The following CAST variants were observed in gnomAD, a reference collection of about 807,000 sequenced individuals.
CAST encodes calpastatin.
Under a neutral mutation model 119.6 loss-of-function variants are expected in CAST, and 76 were observed. The ratio of observed to expected loss-of-function variants is 0.64; its 90% confidence interval spans 0.53 to 0.77. The LOEUF is 0.77. Among genes scored for constraint, CAST ranks in the 30% least tolerant of loss-of-function variants. The pLI is 0.00. For synonymous variants in CAST, 319 were observed against 331.6 expected (o/e 0.96, Z 0.41); for missense variants, 953 against 946.5 (o/e 1.01, Z -0.09).
At position 96,547,731 on chromosome 5, in the gene CAST, C is replaced by A. The variant is rs551474566; in HGVS notation, c.60+17851C>A. 4.6e-5 allele frequency among the ~76,000 whole-genome samples: 7 copies of A among 152,308 alleles called. No individual in the cohort carries two copies. The South Asian group carries it at 1.5e-3, about 32-fold the overall frequency. ...ATAGTCCACAGTCATTCTCTGAGAT[C>A]CTTTGACTTCCGTGCAGGCCAAACA... On this transcript the variant is annotated intron_variant, in intron 1 of 11. Transcript: ENST00000505143.
At chr5:96,335,008 C>T in the CAST span, among the ~76,000 whole-genome samples, 3 of 152,154 alleles carry the variant, frequency 2.0e-5, no homozygotes, top group Non-Finnish European at 4.4e-5. Context: ...GCATTGTCTC[C>T]TTTTGTTCAA....
At chr5:96,252,984 G>C in the CAST span, among the ~76,000 whole-genome samples, 2 of 151,964 alleles carry the variant, frequency 1.3e-5, no homozygotes, top group African/African-American at 4.8e-5. Flanking sequence ...TAAGAAGTGT[G>C]TATTTCAAAA....
At chr5:96,544,714 C>T (rs1745974003) in intron 1 of CAST, among the ~76,000 whole-genome samples, 1 of 151,470 alleles carries the variant, frequency 6.6e-6, no homozygotes, top group Non-Finnish European at 1.5e-5. Flanking sequence ...AAAATAAGTG[C>T]AATGAGTAGA....
At position 96,762,418 on chromosome 5, in the gene CAST, A is replaced by C. The variant is rs201046545; in HGVS notation, c.1932+46A>C. On this transcript the variant is annotated intron_variant, in intron 25 of 31. Transcript: ENST00000675179. ...GGGAGATAAATGTTTTTGCGCAGCC[A>C]CAACTAGAAAGAAAATAGGGCGCCT... 204 of 1,383,940 alleles carry C rather than the reference A, an allele frequency of 1.5e-4. 1 individual carries two copies. In the East Asian group the frequency reaches 4.9e-3, roughly 33 times the overall value. 85.7% of individuals were successfully genotyped at this position (1,383,940 alleles called of 1,614,324 possible).
the CAST span, among the ~76,000 whole-genome samples, chr5:96,104,394 C>T: frequency 2.0e-5 from 3 of 152,172 alleles, no homozygotes; most frequent in Non-Finnish European, 4.4e-5. Flanking sequence ...TTTAATCCAT[C>T]TTGAATTGAC....
chr5:96,179,891 GC>G, the CAST span, among the ~76,000 whole-genome samples: 4 of 152,054 alleles, frequency 2.6e-5, no homozygotes, highest in Admixed American at 2.6e-4. Flanking sequence ...AAAAAAATTA[GC>G]CAGGCGTGGT....
chr5:95,978,747 T>C, the CAST span, among the ~76,000 whole-genome samples: 1 of 152,184 alleles, frequency 6.6e-6, no homozygotes, highest in Non-Finnish European at 1.5e-5. Flanking sequence ...CTGGACCCAC[T>C]GTTCTACAGT....
chr5:96,532,434 T>G (rs1049807076), intron 1 of CAST, among the ~76,000 whole-genome samples: 5 of 152,062 alleles, frequency 3.3e-5, no homozygotes, highest in Non-Finnish European at 7.4e-5. Context: ...CACCTCTCAG[T>G]CAGAGCATGG....
At chr5:96,684,742 A>T (rs1347215765) in intron 2 of CAST, among the ~76,000 whole-genome samples, 1 of 151,862 alleles carries the variant, frequency 6.6e-6, no homozygotes, top group Non-Finnish European at 1.5e-5. Flanking sequence ...TTTTTAAAAA[A>T]TATTTTTAGT....
At chr5:96,051,278 G>A in the CAST span, among the ~76,000 whole-genome samples, 6 of 152,072 alleles carry the variant, frequency 3.9e-5, no homozygotes, top group Non-Finnish European at 7.4e-5. Flanking sequence ...TAGACGTCAA[G>A]TATGACTTTT....
the CAST span, among the ~76,000 whole-genome samples, chr5:96,378,540 A>G: frequency 4.9e-3 from 753 of 152,240 alleles, 14 homozygotes; most frequent in Non-Finnish European, 5.8e-3. Flanking sequence ...AACTAAAGAA[A>G]CAAACTCAAG....
chr5:96,292,589 G>A, the CAST span, among the ~76,000 whole-genome samples: 1 of 152,088 alleles, frequency 6.6e-6, no homozygotes, highest in South Asian at 2.1e-4. Flanking sequence ...CTAAATAATG[G>A]GTTAATGTTC....
chr5:96,401,102 AAAAAAAAAAAG>A, the CAST span, among the ~76,000 whole-genome samples: 1 of 151,294 alleles, frequency 6.6e-6, no homozygotes, highest in Non-Finnish European at 1.5e-5. Flanking sequence ...AAAAAAAAAA[AAAAAAAAAAAG>A]AAGTTTACAA....
At chr5:96,723,556 A>T (rs1015975235) in intron 4 of CAST, among the ~76,000 whole-genome samples, 5 of 151,978 alleles carry the variant, frequency 3.3e-5, no homozygotes, top group Non-Finnish European at 5.9e-5. Flanking sequence ...TTTGGGATTT[A>T]TTCTTAAAAT....
chr5:96,135,593 C>T, the CAST span, among the ~76,000 whole-genome samples: 1 of 152,094 alleles, frequency 6.6e-6, no homozygotes, highest in African/African-American at 2.4e-5. Flanking sequence ...GTAGGACAAC[C>T]TTGAGATCTC....
At chr5:96,149,247 C>T in the CAST span, among the ~76,000 whole-genome samples, 3 of 152,194 alleles carry the variant, frequency 2.0e-5, no homozygotes, top group Non-Finnish European at 4.4e-5. Context: ...TCCATAACTC[C>T]TTCCCATTCC....
chr5:96,181,543 G>A, the CAST span, among the ~76,000 whole-genome samples: 1 of 152,202 alleles, frequency 6.6e-6, no homozygotes, highest in South Asian at 2.1e-4. Flanking sequence ...TTGCGTAGCT[G>A]TGACTCAGGT....
the CAST span, among the ~76,000 whole-genome samples, chr5:96,381,024 A>G: frequency 1.1e-4 from 17 of 152,092 alleles, no homozygotes; most frequent in African/African-American, 3.6e-4. Flanking sequence ...ATCCACAACT[A>G]TGTTCCTTCC....
chr5:96,172,235 G>A, the CAST span, among the ~76,000 whole-genome samples: 1 of 152,188 alleles, frequency 6.6e-6, no homozygotes, highest in Non-Finnish European at 1.5e-5. Context: ...AATTTCACAA[G>A]GTAATGTCAT....
Sources: allele counts gnomAD v4.1 joint callset (sites outside exome capture counted in the v4.1 genomes callset), GRCh38; gene constraint gnomAD v4.1.1; transcripts MANE v1.5; gene names NCBI Gene and HGNC (gene_info 2026-07-23, HGNC 2026-07-21).